The following GRM7 variants were observed in gnomAD, a reference collection of about 807,000 sequenced individuals.
GRM7 encodes glutamate metabotropic receptor 7.
GRM7 carries 35 observed loss-of-function variants against 84.5 expected under a neutral mutation model. The observed-to-expected ratio is 0.41, with a 90% CI of 0.32 to 0.55. The LOEUF (loss-of-function observed/expected upper bound fraction) is 0.55. Ranked by LOEUF, GRM7 falls within the 20% of genes least tolerant of loss-of-function variation. The probability of loss-of-function intolerance (pLI) is 0.19; values close to 1 mark genes in which losing one functional copy is unlikely to be tolerated. For synonymous variants in GRM7, 487 were observed against 455.1 expected (o/e 1.07, Z -0.89); for missense variants, 1,003 against 1,194.6 (o/e 0.84, Z 2.36).
chr3:6,891,000 G>C (rs900436411), intron 1 of GRM7, among the ~76,000 whole-genome samples: 8 of 152,038 alleles, frequency 5.3e-5, no homozygotes, highest in South Asian at 4.2e-4. Context: ...CCTTCTTTGT[G>C]TCTTTTGATC....
intron 4 of GRM7, among the ~76,000 whole-genome samples, chr3:7,398,631 A>G (rs1050870644): frequency 1.3e-5 from 2 of 152,028 alleles, no homozygotes; most frequent in African/African-American, 4.8e-5. Flanking sequence ...GTGTGTATAT[A>G]TATGTATATA....
At chr3:7,637,151 A>G (rs1698134413) in intron 8 of GRM7, among the ~76,000 whole-genome samples, 1 of 152,150 alleles carries the variant, frequency 6.6e-6, no homozygotes, top group Non-Finnish European at 1.5e-5. Flanking sequence ...TTATTTACTT[A>G]TTTAATTTTA....
At chr3:7,552,079 A>C (rs542945247) in intron 7 of GRM7, among the ~76,000 whole-genome samples, 19 of 152,186 alleles carry the variant, frequency 1.2e-4, no homozygotes. Context: ...CCATAATTCA[A>C]TTAACTCCAC....
intron 1 of GRM7, among the ~76,000 whole-genome samples, chr3:6,895,617 C>T (rs781455301): frequency 6.6e-6 from 1 of 152,134 alleles, no homozygotes; most frequent in Non-Finnish European, 1.5e-5. Context: ...CCAAAGACCA[C>T]AATTTTAGTC....
At chr3:7,669,677 G>C (rs2125131144) in intron 8 of GRM7, among the ~76,000 whole-genome samples, 1 of 152,304 alleles carries the variant, frequency 6.6e-6, no homozygotes, top group African/African-American at 2.4e-5. Flanking sequence ...AGAGTGAGTG[G>C]TCAGGAAATA....
chr3:7,023,178 G>A (rs964490440), intron 1 of GRM7, among the ~76,000 whole-genome samples: 2 of 152,092 alleles, frequency 1.3e-5, no homozygotes, highest in Non-Finnish European at 2.9e-5. Flanking sequence ...AAAAGTGTCC[G>A]GGCCTGGTGA....
At chr3:7,385,519 C>G (rs141837372) in intron 4 of GRM7, among the ~76,000 whole-genome samples, 1 of 151,794 alleles carries the variant, frequency 6.6e-6, no homozygotes, top group Non-Finnish European at 1.5e-5. Flanking sequence ...GCAGGATGGT[C>G]TCGATCTCCT....
intron 2 of GRM7, among the ~76,000 whole-genome samples, chr3:7,222,368 C>T (rs556514932): frequency 1.2e-3 from 176 of 152,050 alleles, no homozygotes; most frequent in African/African-American, 4.0e-3. Context: ...ACCCCCACCG[C>T]GAACTGACTT....
intron 5 of GRM7, among the ~76,000 whole-genome samples, chr3:7,445,439 G>C (rs138657824): frequency 6.6e-6 from 1 of 152,260 alleles, no homozygotes; most frequent in East Asian, 1.9e-4. Context: ...ATCATGAAAA[G>C]TGCTTCCACA....
intron 1 of GRM7, among the ~76,000 whole-genome samples, chr3:7,122,014 A>G (rs981854429): frequency 5.3e-5 from 8 of 152,142 alleles, no homozygotes; most frequent in African/African-American, 1.7e-4. Context: ...CCTTTTGCCA[A>G]GGGTTGCCGT....
At chr3:7,693,022 A>G (rs1440281435) in intron 9 of GRM7, among the ~76,000 whole-genome samples, 1 of 151,324 alleles carries the variant, frequency 6.6e-6, no homozygotes, top group Non-Finnish European at 1.5e-5. Flanking sequence ...ACTGGATATA[A>G]TTTCACTTCC....
intron 7 of GRM7, among the ~76,000 whole-genome samples, chr3:7,566,762 T>A (rs62235177): frequency 6.6e-6 from 1 of 151,936 alleles, no homozygotes; most frequent in Non-Finnish European, 1.5e-5. Flanking sequence ...AAAAAAAAAT[T>A]CTGAAGATTT....
chr3:7,518,104 C>T (rs570737517), intron 7 of GRM7, among the ~76,000 whole-genome samples: 7 of 152,292 alleles, frequency 4.6e-5, no homozygotes, highest in Admixed American at 1.3e-4. Context: ...AGCTCATAGG[C>T]ATGGCTCCTG....
At chr3:7,472,419 T>C (rs1200263390) in intron 7 of GRM7, among the ~76,000 whole-genome samples, 1 of 152,232 alleles carries the variant, frequency 6.6e-6, no homozygotes, top group Non-Finnish European at 1.5e-5. Flanking sequence ...GTTTGATAAA[T>C]GTCTCTCTCA....
chr3:7,674,254 C>T (rs1043456270), intron 8 of GRM7, among the ~76,000 whole-genome samples: 8 of 151,512 alleles, frequency 5.3e-5, no homozygotes, highest in Non-Finnish European at 7.4e-5. Context: ...TACAGTGACG[C>T]GATCTTGGCT....
chr3:6,996,208 C>G (rs553831796), intron 1 of GRM7, among the ~76,000 whole-genome samples: 1 of 152,188 alleles, frequency 6.6e-6, no homozygotes, highest in African/African-American at 2.4e-5. Context: ...GCCACCAAGC[C>G]TGGCTCAATT....
At chr3:7,175,445 C>T (rs1209668523) in intron 2 of GRM7, among the ~76,000 whole-genome samples, 1 of 152,204 alleles carries the variant, frequency 6.6e-6, no homozygotes, top group Non-Finnish European at 1.5e-5. Context: ...ATTATTGTGT[C>T]ACTTCTTCAT....
At position 7,475,176 on chromosome 3, in the gene GRM7, G is replaced by A. The variant is rs556089367; in HGVS notation, c.1515+13454G>A. On this transcript the variant is annotated intron_variant, in intron 7 of 9. Transcript: ENST00000357716. ...AGTGGGTAAATACAAAGAAGTCTAC[G>A]TTTCTCATCTATAACAAATGTGTTC... Among the ~76,000 whole-genome samples, 9 of 152,302 alleles carry A rather than the reference G, an allele frequency of 5.9e-5. 1 individual carries two copies. In the South Asian group the frequency reaches 1.0e-3, roughly 18 times the overall value.
intron 8 of GRM7, among the ~76,000 whole-genome samples, chr3:7,660,286 T>A (rs931776356): frequency 3.9e-5 from 6 of 152,158 alleles, no homozygotes; most frequent in Non-Finnish European, 8.8e-5. Context: ...AGGAGATGCA[T>A]TCACATGCCT....
Sources: gnomAD v4.1 joint callset for allele counts (sites outside exome capture counted in the v4.1 genomes callset) on GRCh38, gnomAD v4.1.1 for gene constraint, MANE v1.5 for transcripts, NCBI Gene and HGNC (gene_info 2026-07-23, HGNC 2026-07-21) for gene names.